TTLL10: variants seen among roughly 807,000 people sequenced by gnomAD.
TTLL10 encodes the protein tubulin tyrosine ligase like 10.
In TTLL10, 61 loss-of-function variants were observed where a neutral mutation model predicts 69.0. The observed-to-expected ratio is 0.88, with a 90% CI of 0.72 to 1.09. The LOEUF (loss-of-function observed/expected upper bound fraction) is 1.09. Ranked by LOEUF, TTLL10 falls within the 50% of genes least tolerant of loss-of-function variation. TTLL10 has a pLI of 0.00. For missense variants in TTLL10, 962 were observed against 945.9 expected (o/e 1.02, Z -0.22); for synonymous variants, 408 against 393.3 (o/e 1.04, Z -0.44).
rs1489729192 is a variant in TTLL10 at position 1,185,263 on chromosome 1, C to T, written c.1401+154C>T. 2.8e-6 allele frequency: 4 copies of T among 1,426,792 alleles called. No individual in the cohort carries two copies. The highest frequency in any genetic ancestry group is 3.7e-6 in the Non-Finnish European group (4 of 1,091,700). The allele number at this position is 1,426,792 out of a possible 1,614,324, so 88.4% of individuals were successfully genotyped here. ...GTGTGGAACCAAACCCTTCCAGCGT[C>T]TCTGCTCACTTAGCTGGCAGTGCCT... On this transcript the variant is annotated intron_variant, in intron 13 of 15. Coordinates refer to ENST00000379289, the MANE Select transcript of TTLL10 (RefSeq NM_001130045.2). The surrounding 1 kb of genome is among the most constrained non-coding windows in gnomAD (Gnocchi z 6.1).
chr1:1,186,064 C>A (rs1010046628), intron 13 of TTLL10, among the ~76,000 whole-genome samples: 1 of 151,836 alleles, frequency 6.6e-6, no homozygotes, highest in African/African-American at 2.4e-5. Flanking sequence ...CAGGGTTCAT[C>A]CACGTAGTTC....
In TTLL10 at chr1:1,179,178, C is replaced by A; in HGVS notation, c.-27-11C>A. 1 of 1,490,806 alleles carries A rather than the reference C, an allele frequency of 6.7e-7. No individual in the cohort carries two copies. The highest frequency in any genetic ancestry group is 9.0e-7 in the Non-Finnish European group (1 of 1,113,064). The allele number at this position is 1,490,806 out of a possible 1,614,324, so 92.3% of individuals were successfully genotyped here. On this transcript the variant is annotated splice_polypyrimidine_tract_variant and intron_variant, in intron 3 of 15. Transcript: ENST00000379289. ...TCCCACAGGAGGGTCAGAGCGGCAT[C>A]TTCCCTTCAGGGCCCTCGCCCGGGC... is the stretch of plus-strand genomic sequence containing the variant.
intron 3 of TTLL10, among the ~76,000 whole-genome samples, chr1:1,177,161 GGT>G (rs1646902730): frequency 6.6e-6 from 1 of 150,578 alleles, no homozygotes; most frequent in African/African-American, 2.4e-5. Context: ...CATGTTTATA[GGT>G]GTGTGTGTGC....
At chr1:1,190,005 G>A (rs190494018) in intron 13 of TTLL10, among the ~76,000 whole-genome samples, 8 of 151,738 alleles carry the variant, frequency 5.3e-5, no homozygotes, top group Non-Finnish European at 1.2e-4. Flanking sequence ...CCAGCTACTC[G>A]GGAGGCTGAG....
Position 1,181,514 on chromosome 1 carries a change from C to T in TTLL10, c.756-227C>T, listed in dbSNP as rs894409597. Among the ~76,000 whole-genome samples, 7 of 152,012 alleles carry T rather than the reference C, an allele frequency of 4.6e-5. No individual in the cohort carries two copies. Among genetic ancestry groups the T allele is most frequent in the East Asian group, 1.9e-4 (1 of 5,178 alleles). On this transcript the variant is annotated intron_variant, in intron 8 of 15. Transcript: ENST00000379289. The surrounding 1 kb of genome is among the most constrained non-coding windows in gnomAD (Gnocchi z 4.6). ...CGCAGCTGCCTCCATCTGCACCCCC[C>T]GCCCCTGGTTGCCTGTGACACCAGC...
In TTLL10 at chr1:1,180,618, C is replaced by T. The variant is rs1318939083; in HGVS notation, c.625+17C>T. On this transcript the variant is annotated intron_variant, in intron 7 of 15. Transcript: ENST00000379289. ...TCCGGGAAGGTAGCGGGAGCCGGCA[C>T]CAGAGGCGGGCAGCCTGCAGGGGCC... 4.5e-6 allele frequency: 7 copies of T among 1,551,978 alleles called. No individual in the cohort carries two copies. Among genetic ancestry groups the T allele is most frequent in the South Asian group, 2.4e-5 (2 of 84,212 alleles).
chr1:1,180,587 G>T lies in TTLL10; in HGVS notation c.611G>T (p.Gly204Val). 6.4e-7 allele frequency: 1 copy of T among 1,551,650 alleles called. No homozygotes were observed. Among genetic ancestry groups the T allele is most frequent in the Non-Finnish European group, 8.7e-7 (1 of 1,147,252 alleles). Residue 204 changes from glycine to valine, a missense_variant, in exon 7 of 16, where the codon GGC becomes GTC. Gly to Val is a moderately radical substitution (Grantham distance 109). Transcript: ENST00000379289. Reference sequence around the variant, plus strand: ...GAGGTCAAGAGCCGAGACAGCTACGGCAGCTTCCGGGAAGGTAGCGGGAGC... The same window carrying T: ...GAGGTCAAGAGCCGAGACAGCTACGTCAGCTTCCGGGAAGGTAGCGGGAGC... ...WCEVKSRDSY[G>V]SFREGEQLLY... is the part of the protein sequence containing the mutation.
intron 12 of TTLL10, 48 bp downstream of exon 12, chr1:1,184,139 T>G: frequency 6.2e-7 from 1 of 1,611,780 alleles, no homozygotes; most frequent in Non-Finnish European, 8.5e-7. Context: ...TGGGATGAGA[T>G]TAGAAGGAGG....
chr1:1,187,484 G>C (rs1271019943), intron 13 of TTLL10, among the ~76,000 whole-genome samples: 1 of 151,950 alleles, frequency 6.6e-6, no homozygotes, highest in African/African-American at 2.4e-5. Context: ...ATGAAAATTA[G>C]CCAGGCGTGG....
chr1:1,193,550 G>A (rs943174381), intron 13 of TTLL10, among the ~76,000 whole-genome samples: 4 of 148,610 alleles, frequency 2.7e-5, no homozygotes, highest in South Asian at 2.3e-4. Flanking sequence ...TGCAGCCCCC[G>A]CCTCCCGGAT....
Position 1,181,759 on chromosome 1 carries a change from A to T in TTLL10, c.774A>T (p.Ala258=). 6.2e-7 allele frequency: 1 copy of T among 1,606,560 alleles called. No homozygotes were observed. Among genetic ancestry groups the T allele is most frequent in the Non-Finnish European group, 8.5e-7 (1 of 1,177,684 alleles). ...GCTGCAGGCTGGAAAAGGACGCAGC[A>T]GCGCCCGCCCTGGAGGACCTCCCGT... ...GVQARLEKDA[A]APALEDLPWT... Residue 258 remains alanine, a synonymous_variant, in exon 9 of 16, where the codon GCA becomes GCT. Coordinates refer to ENST00000379289, the MANE Select transcript of TTLL10 (RefSeq NM_001130045.2). The surrounding 1 kb of genome is among the most constrained non-coding windows in gnomAD (Gnocchi z 4.6).
intron 13 of TTLL10, among the ~76,000 whole-genome samples, chr1:1,193,666 T>C (rs1387295619): frequency 6.6e-6 from 1 of 152,100 alleles, no homozygotes; most frequent in Non-Finnish European, 1.5e-5. Context: ...GGTTTCACTA[T>C]GTTGGCCAGG....
In TTLL10 at chr1:1,185,167, G is replaced by A. The variant is rs769067183; in HGVS notation, c.1401+58G>A. The A allele has an allele frequency of 3.1e-6, 5 of 1,589,290 alleles. No homozygotes were observed. The highest frequency in any genetic ancestry group is 3.6e-5 in the Admixed American group (2 of 55,550). ...AGATCCCTCGGGGCGGGGGTGTGTG[G>A]TCAGGCTGGGCACCAGGCACACAGA... On this transcript the variant is annotated intron_variant, in intron 13 of 15. Coordinates refer to ENST00000379289, the MANE Select transcript of TTLL10 (RefSeq NM_001130045.2). The surrounding 1 kb of genome is among the most constrained non-coding windows in gnomAD (Gnocchi z 6.1).
rs531641529 is a variant in TTLL10, at chr1:1,196,734, G to T, written c.1518+18G>T. 2.0e-6 allele frequency: 3 copies of T among 1,499,284 alleles called. No individual in the cohort carries two copies. The highest frequency in any genetic ancestry group is 2.0e-5 in the Admixed American group (1 of 50,894). The allele number at this position is 1,499,284 out of a possible 1,614,324, so 92.9% of individuals were successfully genotyped here. On this transcript the variant is annotated intron_variant, in intron 14 of 15. Transcript: ENST00000379289. ...ACTTCAAGGTGCTGTCCTGGGCGGC[G>T]GGGGGCACAGTAGACAGATGCAAGG...
chr1:1,181,347 G>A lies in TTLL10; in HGVS notation c.756-394G>A, dbSNP rs569841579. Among the ~76,000 whole-genome samples, 9 of 151,742 alleles carry A rather than the reference G, an allele frequency of 5.9e-5. No homozygotes were observed. The highest frequency in any genetic ancestry group is 1.9e-4 in the African/African-American group (8 of 41,342). ...GGTGCCCTGAGTGAGGCCGTCCATC[G>A]CTCACCCAAGTCTGGGCCATCCATC... On this transcript the variant is annotated intron_variant, in intron 8 of 15. Coordinates refer to ENST00000379289, the MANE Select transcript of TTLL10 (RefSeq NM_001130045.2). This position sits in a 1 kb window ranked among gnomAD's most constrained non-coding sequence, Gnocchi z 4.6.
Position 1,181,791 on chromosome 1 carries a change from G to T in TTLL10, c.806G>T (p.Ser269Ile), listed in dbSNP as rs762543030. Residue 269 changes from serine to isoleucine, a missense_variant, in exon 9 of 16, where the codon AGC (serine) becomes ATC (isoleucine). Transcript: ENST00000379289. This position sits in a 1 kb window ranked among gnomAD's most constrained non-coding sequence, Gnocchi z 4.6. ...APALEDLPWT[S>I]PGYLRPQRVL... ...GCCCTGGAGGACCTCCCGTGGACAA[G>T]CCCAGGATACCTCAGGCCACAGAGG... is the stretch of plus-strand genomic sequence containing the variant. The T allele has an allele frequency of 6.2e-7, 1 of 1,609,396 alleles. No individual in the cohort carries two copies. Among genetic ancestry groups the T allele is most frequent in the Non-Finnish European group, 8.5e-7 (1 of 1,178,760 alleles).
At position 1,181,433 on chromosome 1, in the gene TTLL10, C is replaced by A. The variant is rs1166632800; in HGVS notation, c.756-308C>A. ...ACTGCCCTTCTATGGACCCACCTAT[C>A]CCTCCTCACTTCATTTGGCCCAGAC... On this transcript the variant is annotated intron_variant, in intron 8 of 15. Transcript: ENST00000379289. This position sits in a 1 kb window ranked among gnomAD's most constrained non-coding sequence, Gnocchi z 4.6. Among the ~76,000 whole-genome samples, 1 of 151,976 alleles carries A rather than the reference C, an allele frequency of 6.6e-6. No homozygotes were observed. The highest frequency in any genetic ancestry group is 1.9e-4 in the East Asian group (1 of 5,168).
At chr1:1,183,610 C>A (rs1647148085) in intron 11 of TTLL10, among the ~76,000 whole-genome samples, 1 of 152,170 alleles carries the variant, frequency 6.6e-6, no homozygotes, top group African/African-American at 2.4e-5. Flanking sequence ...TGCTGTGCTC[C>A]CTCTGCCTAG....
chr1:1,180,544 T>G lies in TTLL10; in HGVS notation c.568T>G (p.Tyr190Asp), dbSNP rs957554379. 1 of 1,551,038 alleles carries G rather than the reference T, an allele frequency of 6.4e-7. No homozygotes were observed. The highest frequency in any genetic ancestry group is 2.4e-5 in the East Asian group (1 of 41,098). Residue 190 changes from tyrosine to aspartate, a missense_variant, in exon 7 of 16, where the codon TAC becomes GAC. Coordinates refer to ENST00000379289, the MANE Select transcript of TTLL10 (RefSeq NM_001130045.2). ...QRIHDSRRDD[Y>D]TLKWCEVKSR... ...CATCCATGACAGCCGCCGGGACGACTACACGCTGAAGTGGTGTGAGGTCAA... is the reference window on the plus strand; with the variant it reads ...CATCCATGACAGCCGCCGGGACGACGACACGCTGAAGTGGTGTGAGGTCAA...
Sources: allele counts gnomAD v4.1 joint callset (sites outside exome capture counted in the v4.1 genomes callset), GRCh38; gene constraint gnomAD v4.1.1; non-coding constraint Gnocchi (gnomAD v3.1); transcripts MANE v1.5; gene names NCBI Gene and HGNC (gene_info 2026-07-23, HGNC 2026-07-21).